RASL10B: variants seen among roughly 807,000 people sequenced by gnomAD.
The protein encoded by RASL10B is RAS like family 10 member B.
In RASL10B, 10 loss-of-function variants were observed where a neutral mutation model predicts 20.7. The observed-to-expected ratio is 0.48, with a 90% CI of 0.30 to 0.82. The LOEUF (loss-of-function observed/expected upper bound fraction) is 0.82, where lower values mean the gene tolerates loss of function less well. Among genes scored for constraint, RASL10B ranks in the 40% least tolerant of loss-of-function variants. The probability of loss-of-function intolerance (pLI) is 0.07; values close to 1 mark genes in which losing one functional copy is unlikely to be tolerated. For synonymous variants in RASL10B, 110 were observed against 123.3 expected, an observed-to-expected ratio of 0.89 and a Z score of 0.72; for missense variants, 231 against 295.4, an observed-to-expected ratio of 0.78 and a Z score of 1.60.
At position 35,741,181 on chromosome 17, in the gene RASL10B, A is replaced by C; in HGVS notation, c.488A>C (p.Asn163Thr). The change falls in exon 4 of 4, where the codon AAC (asparagine) becomes ACC (threonine). Residue 163 changes from asparagine to threonine, a missense_variant. Asn to Thr is a moderately conservative substitution (Grantham distance 65). Transcript: ENST00000603017. Reference protein sequence around the residue: ...CGYVECSAKYNWHILLLFSEL... With the variant: ...CGYVECSAKYTWHILLLFSEL... ...TACGTGGAATGCTCGGCCAAGTACA[A>C]CTGGCACATCCTGCTGCTCTTCAGC... 1 of 1,613,350 alleles carries C rather than the reference A, an allele frequency of 6.2e-7. No individual in the cohort carries two copies. The highest frequency in any genetic ancestry group is 8.5e-7 in the Non-Finnish European group (1 of 1,180,024).
intron 2 of RASL10B, chr17:35,737,026 T>TAA (rs2143019809): frequency 6.6e-6 from 1 of 152,364 alleles, no homozygotes; most frequent in South Asian, 2.1e-4. Flanking sequence ...AGTACTGGGA[T>TAA]TATAGGCATG....
At chr17:35,736,080 T>G (rs1360792329) in intron 2 of RASL10B, among the ~76,000 whole-genome samples, 1 of 152,216 alleles carries the variant, frequency 6.6e-6, no homozygotes, top group Non-Finnish European at 1.5e-5. Flanking sequence ...AGGACCTGCC[T>G]GCTGGGCACC....
chr17:35,738,340 T>C (rs1259175468), intron 2 of RASL10B, among the ~76,000 whole-genome samples: 1 of 152,104 alleles, frequency 6.6e-6, no homozygotes, highest in Non-Finnish European at 1.5e-5. Context: ...GAAAAAGGTA[T>C]CCTCAAGGCA....
intron 1 of RASL10B, among the ~76,000 whole-genome samples, chr17:35,733,451 A>G (rs587656177): frequency 2.0e-4 from 31 of 152,352 alleles, no homozygotes; most frequent in African/African-American, 6.0e-4. Flanking sequence ...TGTATTTACT[A>G]TGCTGTGTGC....
chr17:35,735,742 A>T lies in RASL10B; in HGVS notation c.216+342A>T, dbSNP rs1473020207. On this transcript the variant is annotated intron_variant, in intron 2 of 3. Coordinates refer to ENST00000603017, the MANE Select transcript of RASL10B (RefSeq NM_033315.4). This position sits in a 1 kb window ranked among gnomAD's most constrained non-coding sequence, Gnocchi z 6.7. ...ATGGTGTGATAAGTTCTATGATTGG[A>T]GGAGCAGGGAGCTGGGGCAGCCCTT... Among the ~76,000 whole-genome samples, 2 of 152,230 alleles carry T rather than the reference A, an allele frequency of 1.3e-5. No homozygotes were observed. Among genetic ancestry groups the T allele is most frequent in the African/African-American group, 2.4e-5 (1 of 41,452 alleles).
At position 35,735,058 on chromosome 17, in the gene RASL10B, G is replaced by C; in HGVS notation, c.-127G>C. On this transcript the variant is annotated 5_prime_UTR_variant, in exon 2 of 4. Coordinates refer to ENST00000603017, the MANE Select transcript of RASL10B (RefSeq NM_033315.4). This position sits in a 1 kb window ranked among gnomAD's most constrained non-coding sequence, Gnocchi z 6.7. ...CACAGTCCAGGTGGAGGCCGCAGAG[G>C]GCCCAGGGCAAGCAGAGGCAGCAAT... 1 of 950,602 alleles carries C rather than the reference G, an allele frequency of 1.1e-6. No homozygotes were observed. Among genetic ancestry groups the C allele is most frequent in the East Asian group, 2.4e-5 (1 of 41,060 alleles). The allele number at this position is 950,602 out of a possible 1,614,324, so 58.9% of individuals were successfully genotyped here.
At chr17:35,737,227 G>A (rs1238644810) in intron 2 of RASL10B, among the ~76,000 whole-genome samples, 3 of 152,052 alleles carry the variant, frequency 2.0e-5, no homozygotes, top group Non-Finnish European at 4.4e-5. Context: ...AGCTGATCTC[G>A]AACTACTGGC....
chr17:35,735,183 G>A lies in RASL10B; in HGVS notation c.-2G>A. ...ACGAGGTGGCGGAGTGGGGCGGGAGGCATGGTCTCCACCTACCGGGTGGCC... is the reference window on the plus strand; with the variant it reads ...ACGAGGTGGCGGAGTGGGGCGGGAGACATGGTCTCCACCTACCGGGTGGCC... On this transcript the variant is annotated 5_prime_UTR_variant, in exon 2 of 4. Transcript: ENST00000603017. The surrounding 1 kb of genome is among the most constrained non-coding windows in gnomAD (Gnocchi z 6.7). 1 of 1,607,312 alleles carries A rather than the reference G, an allele frequency of 6.2e-7. No homozygotes were observed.
In RASL10B at chr17:35,735,493, C is replaced by CA; in HGVS notation, c.216+94dup. 1 of 1,253,910 alleles carries CA rather than the reference C, an allele frequency of 8.0e-7. No individual in the cohort carries two copies. The highest frequency in any genetic ancestry group is 1.3e-5 in the South Asian group (1 of 74,160). The allele number at this position is 1,253,910 out of a possible 1,614,324, so 77.7% of individuals were successfully genotyped here. On this transcript the variant is annotated intron_variant, in intron 2 of 3. Transcript: ENST00000603017. This position sits in a 1 kb window ranked among gnomAD's most constrained non-coding sequence, Gnocchi z 6.7. ...ACTGCTGTAGCTTGGGCCCTATTGC[C>CA]AGGGCCCCATCACTGAGTTTGGGAG...
chr17:35,738,201 G>A (rs2085606732), intron 2 of RASL10B, among the ~76,000 whole-genome samples: 1 of 151,918 alleles, frequency 6.6e-6, no homozygotes, highest in Admixed American at 6.6e-5. Flanking sequence ...AACTATTGAT[G>A]TCCTTTGCCC....
At chr17:35,734,315 G>A (rs981737410) in intron 1 of RASL10B, among the ~76,000 whole-genome samples, 1 of 152,160 alleles carries the variant, frequency 6.6e-6, no homozygotes, top group African/African-American at 2.4e-5. Flanking sequence ...GCTGCCCTTC[G>A]GGTTGTGATT....
rs1394721684 is a variant in RASL10B at position 35,743,331 on chromosome 17, C to T, written c.*2026C>T. 1 of 152,750 alleles carries T rather than the reference C, an allele frequency of 6.5e-6. No homozygotes were observed. The highest frequency in any genetic ancestry group is 6.5e-5 in the Admixed American group (1 of 15,288). 9.5% of individuals were successfully genotyped at this position (152,750 alleles called of 1,614,324 possible). On this transcript the variant is annotated 3_prime_UTR_variant, in exon 4 of 4. Coordinates refer to ENST00000603017, the MANE Select transcript of RASL10B (RefSeq NM_033315.4). ...CATTGGAATGTATCCCCTGACAGGC[C>T]CCCTTCCGCCTCCACCTCAACCCAG...
At position 35,735,984 on chromosome 17, in the gene RASL10B, G is replaced by T. The variant is rs1402263193; in HGVS notation, c.216+584G>T. On this transcript the variant is annotated intron_variant, in intron 2 of 3. Transcript: ENST00000603017. This position sits in a 1 kb window ranked among gnomAD's most constrained non-coding sequence, Gnocchi z 6.7. Reference sequence around the variant, plus strand: ...GCAGAACAGACGGGGCCCTGGGAAAGGTGTGTTCTTGGAGACTCTGGAGAC... The same window carrying T: ...GCAGAACAGACGGGGCCCTGGGAAATGTGTGTTCTTGGAGACTCTGGAGAC... Among the ~76,000 whole-genome samples the T allele has an allele frequency of 6.6e-6, 1 of 152,184 alleles. No homozygotes were observed. Among genetic ancestry groups the T allele is most frequent in the Non-Finnish European group, 1.5e-5 (1 of 68,036 alleles).
intron 2 of RASL10B, 123 bp from the exon 3 acceptor site, chr17:35,740,286 C>T (rs1038900482): frequency 3.0e-5 from 38 of 1,276,664 alleles, no homozygotes; most frequent in Admixed American, 4.3e-5. Context: ...TGGGGATGGT[C>T]GGGTATGGAA....
Position 35,735,084 on chromosome 17 carries a change from G to C in RASL10B, c.-101G>C. The C allele has an allele frequency of 8.1e-7, 1 of 1,230,312 alleles. No homozygotes were observed. Among genetic ancestry groups the C allele is most frequent in the East Asian group, 2.3e-5 (1 of 42,754 alleles). 76.2% of individuals were successfully genotyped at this position (1,230,312 alleles called of 1,614,324 possible). A position where few individuals can be genotyped will look rare whatever the true frequency, so the allele number is the denominator to read the frequency against. On this transcript the variant is annotated 5_prime_UTR_variant, in exon 2 of 4. It removes an upstream start codon present in the reference 5' UTR. Transcript: ENST00000603017. The surrounding 1 kb of genome is among the most constrained non-coding windows in gnomAD (Gnocchi z 6.7). ...GCCCAGGGCAAGCAGAGGCAGCAAT[G>C]GTTGGTCCTGACGGTGGCTGAGCCC...
chr17:35,734,396 C>A (rs1324780006), intron 1 of RASL10B, among the ~76,000 whole-genome samples: 2 of 152,170 alleles, frequency 1.3e-5, no homozygotes, highest in Non-Finnish European at 2.9e-5. Flanking sequence ...TTAGAGATGT[C>A]GTACTGACCA....
chr17:35,739,852 G>A (rs76779956), intron 2 of RASL10B, among the ~76,000 whole-genome samples: 7,818 of 152,304 alleles, frequency 0.051, 271 homozygotes, highest in Non-Finnish European at 0.074. Context: ...TGGCCTGGCT[G>A]TGGCCTTCTC....
In RASL10B at chr17:35,731,838, G is replaced by GACC. The variant is rs1316144841; in HGVS notation, c.-187_-185dup. On this transcript the variant is annotated 5_prime_UTR_variant, in exon 1 of 4. Coordinates refer to ENST00000603017, the MANE Select transcript of RASL10B (RefSeq NM_033315.4). ...AGCCCGGGGGGAGCTCAGCCCCGCC[G>GACC]ACCGGCCGGCCAGGGCAGGGGGCAG... 1.2e-4 allele frequency: 18 copies of GACC among 151,840 alleles called. No homozygotes were observed. The highest frequency in any genetic ancestry group is 4.4e-4 in the African/African-American group (18 of 41,352). The allele number at this position is 151,840 out of a possible 1,614,324, so 9.4% of individuals were successfully genotyped here.
chr17:35,735,401 G>T lies in RASL10B; in HGVS notation c.216+1G>T. On this transcript the variant is annotated splice_donor_variant, in intron 2 of 3. Coordinates refer to ENST00000603017, the MANE Select transcript of RASL10B (RefSeq NM_033315.4). LOFTEE classifies it high-confidence loss of function. The surrounding 1 kb of genome is among the most constrained non-coding windows in gnomAD (Gnocchi z 6.7). ...CGCCTTCCCTGTCAATACGCTCCAG[G>T]TAGGAGGACCCTGGGGGGCATGGGT... The T allele has an allele frequency of 2.5e-6, 4 of 1,613,922 alleles. No homozygotes were observed. Among genetic ancestry groups the T allele is most frequent in the Non-Finnish European group, 3.4e-6 (4 of 1,179,888 alleles).
Sources: allele counts gnomAD v4.1 joint callset (sites outside exome capture counted in the v4.1 genomes callset), GRCh38; gene constraint gnomAD v4.1.1; non-coding constraint Gnocchi (gnomAD v3.1); transcripts MANE v1.5; gene names NCBI Gene and HGNC (gene_info 2026-07-23, HGNC 2026-07-21).